The following HYDIN variants were observed in gnomAD, a reference collection of about 807,000 sequenced individuals.
HYDIN encodes the protein HYDIN axonemal central pair apparatus protein.
HYDIN carries 132 observed loss-of-function variants against 403.9 expected under a neutral mutation model. The observed-to-expected ratio is 0.33, with a 90% CI of 0.28 to 0.38. The LOEUF (loss-of-function observed/expected upper bound fraction) is 0.38. Among genes scored for constraint, HYDIN ranks in the 10% least tolerant of loss-of-function variants. HYDIN has a pLI of 1.00. For missense variants in HYDIN, 2,827 were observed against 5,009.5 expected, an observed-to-expected ratio of 0.56 and a Z score of 13.15; for synonymous variants, 1,202 against 1,891.7, an observed-to-expected ratio of 0.64 and a Z score of 9.46.
rs779202457 is a variant in HYDIN at position 71,186,861 on chromosome 16, G to A, written c.35C>T (p.Ala12Val). The A allele has an allele frequency of 8.7e-6, 14 of 1,612,546 alleles. 1 individual carries two copies. In the South Asian group the frequency reaches 1.5e-4, roughly 18 times the overall value. Residue 12 changes from alanine to valine, a missense_variant, in exon 2 of 86, where the codon GCT (alanine) becomes GTT (valine). By Grantham distance (64) the Ala-to-Val change is moderately conservative (BLOSUM62 0). Transcript: ENST00000393567. ...CATATTGACCAATCCCATCTGAACA[G>A]CCCCCATGGACTCCTCAAGTCTTCT... ...TSRRLEESMG[A>V]VQMGLVNMFK...
intron 10 of HYDIN, among the ~76,000 whole-genome samples, chr16:71,101,516 A>G (rs2144408874): frequency 7.1e-6 from 1 of 141,836 alleles, no homozygotes; most frequent in Admixed American, 7.1e-5. Context: ...ACAATAGAAA[A>G]ATGGGCAAAG....
At chr16:71,196,819 T>A (rs1341459835) in intron 1 of HYDIN, among the ~76,000 whole-genome samples, 1 of 152,182 alleles carries the variant, frequency 6.6e-6, no homozygotes, top group African/African-American at 2.4e-5. Flanking sequence ...CTTCCACCAG[T>A]GCCATGAAAG....
intron 13 of HYDIN, among the ~76,000 whole-genome samples, chr16:71,071,050 T>C (rs1169303946): frequency 6.6e-6 from 1 of 151,448 alleles, no homozygotes. Flanking sequence ...TACATGTGAC[T>C]TTCCTGGACT....
Position 70,975,025 on chromosome 16 carries a change from G to A in HYDIN, c.4772+111C>T, listed in dbSNP as rs529729795. On this transcript the variant is annotated intron_variant, in intron 31 of 85. Transcript: ENST00000393567. ...AAGTGAGGAGAGTGGATTTCATTGC[G>A]AGGTGATCAGCCAGTGTTTCCGGGA... The A allele has an allele frequency of 4.3e-4, 216 of 507,822 alleles. 1 individual carries two copies. The highest frequency in any genetic ancestry group is 2.6e-3 in the African/African-American group (134 of 50,708). 31.5% of individuals were successfully genotyped at this position (507,822 alleles called of 1,614,324 possible).
intron 62 of HYDIN, among the ~76,000 whole-genome samples, chr16:70,879,000 T>TA (rs891940011): frequency 6.2e-4 from 94 of 150,408 alleles, no homozygotes; most frequent in Middle Eastern, 3.4e-3. Flanking sequence ...AGAAAACAAT[T>TA]AAAAAAACAA....
At chr16:70,893,368 G>T (rs956809721) in intron 55 of HYDIN, among the ~76,000 whole-genome samples, 3 of 152,100 alleles carry the variant, frequency 2.0e-5, no homozygotes, top group African/African-American at 7.2e-5. Flanking sequence ...TCTTGGGGAA[G>T]GAGAACTTTC....
At chr16:71,198,748 C>T (rs1044944018) in intron 1 of HYDIN, among the ~76,000 whole-genome samples, 2 of 152,138 alleles carry the variant, frequency 1.3e-5, no homozygotes, top group African/African-American at 4.8e-5. Context: ...TCCTGGGTTT[C>T]TGGGTTCCTG....
At chr16:71,215,552 A>G (rs1404936683) in intron 1 of HYDIN, among the ~76,000 whole-genome samples, 1 of 141,692 alleles carries the variant, frequency 7.1e-6, no homozygotes, top group African/African-American at 2.8e-5. Flanking sequence ...TAAATCCTGT[A>G]ATCAATCTTA....
At chr16:71,117,387 A>G (rs2084079910) in intron 9 of HYDIN, among the ~76,000 whole-genome samples, 1 of 149,276 alleles carries the variant, frequency 6.7e-6, no homozygotes, top group South Asian at 2.2e-4. Flanking sequence ...AGATGCTGAT[A>G]GCACTTGCCT....
intron 1 of HYDIN, among the ~76,000 whole-genome samples, chr16:71,197,128 T>G (rs1264288785): frequency 6.6e-6 from 1 of 152,176 alleles, no homozygotes; most frequent in Non-Finnish European, 1.5e-5. Flanking sequence ...GTGGGACTTC[T>G]CAGCCTCCAT....
At chr16:70,823,768 C>T (rs113197151) in intron 83 of HYDIN, among the ~76,000 whole-genome samples, 3 of 150,748 alleles carry the variant, frequency 2.0e-5, no homozygotes, top group African/African-American at 4.9e-5. Context: ...CTGACCTGTC[C>T]TCTTTACTCA....
chr16:70,989,893 C>T (rs576141529), intron 25 of HYDIN, among the ~76,000 whole-genome samples: 1 of 152,140 alleles, frequency 6.6e-6, no homozygotes, highest in African/African-American at 2.4e-5. Flanking sequence ...AATTCCTGCC[C>T]TCATGAAGAT....
intron 84 of HYDIN, among the ~76,000 whole-genome samples, chr16:70,816,175 CA>C (rs1012457800): frequency 3.9e-4 from 59 of 152,108 alleles, no homozygotes; most frequent in Non-Finnish European, 7.4e-4. Flanking sequence ...ACAACAACAA[CA>C]AAAAACCACC....
intron 7 of HYDIN, among the ~76,000 whole-genome samples, chr16:71,139,181 C>A (rs936558032): frequency 2.0e-5 from 3 of 151,342 alleles, no homozygotes; most frequent in Non-Finnish European, 4.4e-5. Context: ...AGTTGAATAC[C>A]ATGCTGGAAT....
intron 18 of HYDIN, among the ~76,000 whole-genome samples, chr16:71,041,804 C>T (rs2081295240): frequency 6.6e-6 from 1 of 151,336 alleles, no homozygotes; most frequent in Non-Finnish European, 1.5e-5. Flanking sequence ...AGGAGACACA[C>T]ATATATATTT....
Position 70,920,625 on chromosome 16 carries a change from G to A in HYDIN, c.7751C>T (p.Ala2584Val). 6.2e-7 allele frequency: 1 copy of A among 1,613,926 alleles called. No individual in the cohort carries two copies. Among genetic ancestry groups the A allele is most frequent in the Admixed American group, 1.7e-5 (1 of 59,996 alleles). ...TTTGGGAAGCTTGTCGCTCTCTAGGGCCTGCTTCCAGCTCAAGCCTTCAAA... is the reference window on the plus strand; with the variant it reads ...TTTGGGAAGCTTGTCGCTCTCTAGGACCTGCTTCCAGCTCAAGCCTTCAAA... ...PDFEGLSWKQ[A>V]LESDKLPKGE... Residue 2584 changes from alanine to valine, a missense_variant, in exon 46 of 86, where the codon GCC (alanine) becomes GTC (valine). By Grantham distance (64) the Ala-to-Val change is moderately conservative. Transcript: ENST00000393567.
intron 1 of HYDIN, among the ~76,000 whole-genome samples, chr16:71,211,144 A>G (rs1004855739): frequency 6.6e-6 from 1 of 152,144 alleles, no homozygotes; most frequent in Non-Finnish European, 1.5e-5. Context: ...CATCTCTAGC[A>G]AGTCATAAAA....
At chr16:70,849,580 A>C (rs1001341507) in intron 75 of HYDIN, 146 bp downstream of exon 75, 27 of 600,750 alleles carry the variant, frequency 4.5e-5, no homozygotes, top group Non-Finnish European at 7.8e-5. Flanking sequence ...CCTTTGTACT[A>C]GACATTGTGA....
intron 36 of HYDIN, among the ~76,000 whole-genome samples, chr16:70,968,807 A>G (rs1039763511): frequency 2.6e-5 from 4 of 152,244 alleles, no homozygotes; most frequent in Non-Finnish European, 5.9e-5. Flanking sequence ...AAAGAAAATG[A>G]ATAGATATCA....
Sources: allele counts gnomAD v4.1 joint callset (sites outside exome capture counted in the v4.1 genomes callset), GRCh38; gene constraint gnomAD v4.1.1; transcripts MANE v1.5; gene names NCBI Gene and HGNC (gene_info 2026-07-23, HGNC 2026-07-21).